Variants in KCNQ1 observed in about 807,000 individuals in gnomAD.
KCNQ1 encodes potassium voltage-gated channel subfamily Q member 1.
In KCNQ1, 49 loss-of-function variants were observed where a neutral mutation model predicts 72.4. That is an observed-to-expected ratio of 0.68 (90% CI 0.54 to 0.86). The LOEUF is 0.86. KCNQ1 is among the 40% of genes least tolerant of loss of function. KCNQ1 has a pLI of 0.00. For missense variants in KCNQ1, 790 were observed against 945.1 expected (o/e 0.84, Z 2.15); for synonymous variants, 450 against 412.6 (o/e 1.09, Z -1.10).
At chr11:2,847,716 C>A in intron 15 of KCNQ1, 51 bp from the exon 16 acceptor site, 1 of 1,524,268 alleles carries the variant, frequency 6.6e-7, no homozygotes, top group Non-Finnish European at 8.9e-7. Flanking sequence ...GCTGTCTGCA[C>A]ACCTGGGTGC....
chr11:2,771,820 G>A (rs1398282480), intron 12 of KCNQ1, among the ~76,000 whole-genome samples: 1 of 152,206 alleles, frequency 6.6e-6, no homozygotes, highest in African/African-American at 2.4e-5. Flanking sequence ...TCCCTGGGGA[G>A]GAACACAGTG....
rs1045581209 is a variant in KCNQ1, at chr11:2,663,596, T to C, written c.1514+1515T>C. ...TCTCCTGTTGGAGCTCTCGCTCACC[T>C]TGGTTCTCTTGGTCACGGACCAGCA... On this transcript the variant is annotated intron_variant, in intron 11 of 15. Transcript: ENST00000155840. The surrounding 1 kb of genome is among the most constrained non-coding windows in gnomAD (Gnocchi z 5.2). The C allele has an allele frequency of 5.0e-6, 2 of 398,576 alleles. No homozygotes were observed. Among genetic ancestry groups the C allele is most frequent in the Admixed American group, 4.4e-5 (1 of 22,724 alleles). The allele number at this position is 398,576 out of a possible 1,614,324, so 24.7% of individuals were successfully genotyped here.
intron 1 of KCNQ1, among the ~76,000 whole-genome samples, chr11:2,513,674 G>A (rs943252707): frequency 1.3e-5 from 2 of 152,178 alleles, no homozygotes; most frequent in Non-Finnish European, 2.9e-5. Context: ...CACCCTGGCC[G>A]CTGTTTCTCT....
At chr11:2,842,147 A>G (rs1848227843) in intron 15 of KCNQ1, among the ~76,000 whole-genome samples, 1 of 151,896 alleles carries the variant, frequency 6.6e-6, no homozygotes, top group Non-Finnish European at 1.5e-5. Context: ...GAGCGGACAC[A>G]CTCACCCTCA....
rs1589982267 is a variant in KCNQ1 at position 2,614,479 on chromosome 11, ACT to A, written c.1393+25627_1393+25628del. Reference sequence around the variant, plus strand: ...TTCCAATCTCAAGTCATAAAGATTTACTCCTGTTTTCTACTAAGAAATTTATG... The same window carrying A: ...TTCCAATCTCAAGTCATAAAGATTTACCTGTTTTCTACTAAGAAATTTATG... On this transcript the variant is annotated intron_variant, in intron 10 of 15. Coordinates refer to ENST00000155840, the MANE Select transcript of KCNQ1 (RefSeq NM_000218.3). The A allele has an allele frequency of 5.5e-5, 22 of 398,344 alleles. No homozygotes were observed. In the East Asian group the frequency reaches 7.8e-4, roughly 14 times the overall value. 24.7% of individuals were successfully genotyped at this position (398,344 alleles called of 1,614,324 possible).
chr11:2,733,774 C>CCACACACACACACA (rs144399150), intron 11 of KCNQ1, among the ~76,000 whole-genome samples: 1,573 of 57,120 alleles, frequency 0.028, 46 homozygotes, highest in Non-Finnish European at 0.035. Context: ...TTCAGGCCTT[C>CCACACACACACACA]CACACACACA....
At chr11:2,520,490 C>T (rs1284026003) in intron 1 of KCNQ1, among the ~76,000 whole-genome samples, 1 of 152,164 alleles carries the variant, frequency 6.6e-6, no homozygotes. Flanking sequence ...AGGCTGCCTG[C>T]TGACAGCCAC....
intron 10 of KCNQ1, among the ~76,000 whole-genome samples, chr11:2,596,258 C>T (rs1371944002): frequency 1.3e-5 from 2 of 152,174 alleles, no homozygotes; most frequent in African/African-American, 2.4e-5. Flanking sequence ...GCGATGCAAC[C>T]ATTTGGGAAA....
intron 11 of KCNQ1, among the ~76,000 whole-genome samples, chr11:2,731,770 T>G (rs1845862608): frequency 6.6e-6 from 1 of 152,210 alleles, no homozygotes; most frequent in Non-Finnish European, 1.5e-5. Flanking sequence ...CCCAGGAGGC[T>G]CCTATGGCCC....
At position 2,818,862 on chromosome 11, in the gene KCNQ1, C is replaced by A. The variant is rs1847676011; in HGVS notation, c.1795-28905C>A. On this transcript the variant is annotated intron_variant, in intron 15 of 15. Transcript: ENST00000155840. The surrounding 1 kb of genome is among the most constrained non-coding windows in gnomAD (Gnocchi z 7.2). Reference sequence around the variant, plus strand: ...CTCAGCTTAGCTGCTCTTCCCCCAACCCCCAGGCCCAGCAGAATCACATCT... The same window carrying A: ...CTCAGCTTAGCTGCTCTTCCCCCAAACCCCAGGCCCAGCAGAATCACATCT... Among the ~76,000 whole-genome samples, 1 of 152,102 alleles carries A rather than the reference C, an allele frequency of 6.6e-6. No individual in the cohort carries two copies.
chr11:2,584,009 G>A (rs531544564), intron 7 of KCNQ1, among the ~76,000 whole-genome samples: 4 of 151,982 alleles, frequency 2.6e-5, no homozygotes, highest in Admixed American at 6.6e-5. Flanking sequence ...TGTTATGTGC[G>A]TATGTGCATA....
Position 2,658,249 on chromosome 11 carries a change from G to A in KCNQ1, c.1394-3712G>A, listed in dbSNP as rs1849887133. On this transcript the variant is annotated intron_variant, in intron 10 of 15. Transcript: ENST00000155840. The surrounding 1 kb of genome is among the most constrained non-coding windows in gnomAD (Gnocchi z 4.9). Reference sequence around the variant, plus strand: ...GTTTTCCTGCAGCAAATATTACCGTGATGTACTTCTATTTTCCTCATTCCT... The same window carrying A: ...GTTTTCCTGCAGCAAATATTACCGTAATGTACTTCTATTTTCCTCATTCCT... The A allele has an allele frequency of 5.0e-6, 2 of 398,438 alleles. No homozygotes were observed. Among genetic ancestry groups the A allele is most frequent in the African/African-American group, 4.1e-5 (2 of 48,620 alleles). The allele number at this position is 398,438 out of a possible 1,614,324, so 24.7% of individuals were successfully genotyped here. A position where few individuals can be genotyped will look rare whatever the true frequency, so the allele number is the denominator to read the frequency against.
At chr11:2,530,139 C>A (rs1847593528) in intron 2 of KCNQ1, among the ~76,000 whole-genome samples, 1 of 152,148 alleles carries the variant, frequency 6.6e-6, no homozygotes, top group African/African-American at 2.4e-5. Flanking sequence ...GGCCGTCCTT[C>A]CCCCACAGGG....
intron 1 of KCNQ1, among the ~76,000 whole-genome samples, chr11:2,449,486 G>GCGGGGTCAGGT (rs1449600521): frequency 6.6e-6 from 1 of 152,228 alleles, no homozygotes; most frequent in Non-Finnish European, 1.5e-5. Flanking sequence ...GCCGGCCAGT[G>GCGGGGTCAGGT]CGGGGTCAGG....
At chr11:2,770,410 C>T (rs572923214) in intron 12 of KCNQ1, among the ~76,000 whole-genome samples, 65 of 152,360 alleles carry the variant, frequency 4.3e-4, no homozygotes, top group Admixed American at 3.3e-3. Context: ...CCGCTAGGCT[C>T]GTCGTCACTC....
At position 2,734,396 on chromosome 11, in the gene KCNQ1, C is replaced by A. The variant is rs1043723487; in HGVS notation, c.1515-34448C>A. 1.3e-5 allele frequency among the ~76,000 whole-genome samples: 2 copies of A among 152,192 alleles called. No homozygotes were observed. The highest frequency in any genetic ancestry group is 2.9e-5 in the Non-Finnish European group (2 of 68,024). Reference sequence around the variant, plus strand: ...TGGGTTGAATGAGGAAGCTTCACAGCCCCCCGGCCACCGCAGGTCGGGGGA... The same window carrying A: ...TGGGTTGAATGAGGAAGCTTCACAGACCCCCGGCCACCGCAGGTCGGGGGA... On this transcript the variant is annotated intron_variant, in intron 11 of 15. Coordinates refer to ENST00000155840, the MANE Select transcript of KCNQ1 (RefSeq NM_000218.3). This position sits in a 1 kb window ranked among gnomAD's most constrained non-coding sequence, Gnocchi z 7.0.
chr11:2,545,213 A>G (rs1847888402), intron 2 of KCNQ1, among the ~76,000 whole-genome samples: 1 of 152,188 alleles, frequency 6.6e-6, no homozygotes, highest in African/African-American at 2.4e-5. Context: ...CTTTGCATCT[A>G]GGTTCATGAG....
At chr11:2,631,508 C>A in intron 10 of KCNQ1, 1 of 398,314 alleles carries the variant, frequency 2.5e-6, no homozygotes, top group South Asian at 1.3e-4. Flanking sequence ...TCTCTGTTCT[C>A]TGGTAGCACA....
chr11:2,742,399 C>T (rs1846070484), intron 11 of KCNQ1, among the ~76,000 whole-genome samples: 1 of 152,228 alleles, frequency 6.6e-6, no homozygotes, highest in Non-Finnish European at 1.5e-5. Flanking sequence ...CTGTCTCATA[C>T]TCACGGCCAC....
Sources: gnomAD v4.1 joint callset for allele counts (sites outside exome capture counted in the v4.1 genomes callset) on GRCh38, gnomAD v4.1.1 for gene constraint, Gnocchi (gnomAD v3.1) non-coding constraint, MANE v1.5 for transcripts, NCBI Gene and HGNC (gene_info 2026-07-23, HGNC 2026-07-21) for gene names.